The following ANO1 variants were observed in gnomAD, a reference collection of about 807,000 sequenced individuals.
ANO1 encodes the protein anoctamin 1.
In ANO1, 59 loss-of-function variants were observed where a neutral mutation model predicts 124.0. The ratio of observed to expected loss-of-function variants is 0.48; its 90% CI spans 0.39 to 0.59. ANO1 has a LOEUF of 0.59. Among genes scored for constraint, ANO1 ranks in the 20% least tolerant of loss-of-function variants. The pLI, the probability that ANO1 is intolerant of heterozygous loss-of-function variation, is 0.00. For synonymous variants in ANO1, 529 were observed against 532.0 expected (o/e 0.99, Z 0.08); for missense variants, 1,059 against 1,328.0 (o/e 0.80, Z 3.15).
intron 12 of ANO1, among the ~76,000 whole-genome samples, chr11:70,150,489 C>T (rs1893078): frequency 0.5 from 75,579 of 152,012 alleles, 19,593 homozygotes; most frequent in Non-Finnish European, 0.59. Flanking sequence ...CTCATGCACG[C>T]GCTGTAAGGT....
chr11:70,155,741 T>C (rs2047784724), intron 14 of ANO1, among the ~76,000 whole-genome samples, 170 bp from the exon 15 acceptor site: 1 of 152,218 alleles, frequency 6.6e-6, no homozygotes, highest in Admixed American at 6.5e-5. Flanking sequence ...TGCCGTCTCT[T>C]ACTTGTTTAA....
chr11:70,181,119 G>C (rs2048912704), intron 23 of ANO1, among the ~76,000 whole-genome samples: 1 of 152,214 alleles, frequency 6.6e-6, no homozygotes, highest in Non-Finnish European at 1.5e-5. Flanking sequence ...GAAAACCCGA[G>C]GCAGCCATGG....
intron 5 of ANO1, among the ~76,000 whole-genome samples, chr11:70,107,494 G>GGGGGGGGGGGGGGGGA (rs2045598931): frequency 8.3e-6 from 1 of 120,938 alleles, no homozygotes; most frequent in Non-Finnish European, 1.8e-5. Flanking sequence ...TGGAGGCGGC[G>GGGGGGGGGGGGGGGGA]GGGCGGGGAA....
the ANO1 span, among the ~76,000 whole-genome samples, chr11:69,968,032 G>A: frequency 6.6e-6 from 1 of 152,118 alleles, no homozygotes; most frequent in Non-Finnish European, 1.5e-5. Flanking sequence ...GGCCTTCCTG[G>A]CATCAGGGGT....
chr11:70,047,548 C>A (rs539229462), intron 1 of ANO1, among the ~76,000 whole-genome samples: 1 of 152,318 alleles, frequency 6.6e-6, no homozygotes, highest in Non-Finnish European at 1.5e-5. Flanking sequence ...CAAAGAAAGA[C>A]TCTTGATCAA....
At chr11:70,149,057 C>T (rs541558960) in intron 11 of ANO1, among the ~76,000 whole-genome samples, 46 of 152,292 alleles carry the variant, frequency 3.0e-4, no homozygotes, top group African/African-American at 1.1e-3. Flanking sequence ...GGTTTGAAGC[C>T]CGAGTGAGTG....
chr11:70,116,291 G>A (rs1287373872), intron 7 of ANO1, among the ~76,000 whole-genome samples, 167 bp from the exon 8 acceptor site: 1 of 152,182 alleles, frequency 6.6e-6, no homozygotes, highest in East Asian at 1.9e-4. Context: ...ATCATAACGG[G>A]GGCACACCTG....
the ANO1 span, among the ~76,000 whole-genome samples, chr11:69,974,326 AAATAATAAC>A: frequency 6.6e-6 from 1 of 152,194 alleles, no homozygotes; most frequent in Non-Finnish European, 1.5e-5. Flanking sequence ...CTCTGTCTCA[AAATAATAAC>A]AATAATAACA....
intron 1 of ANO1, among the ~76,000 whole-genome samples, chr11:70,020,229 T>A (rs1457528239): frequency 6.6e-6 from 1 of 152,196 alleles, no homozygotes; most frequent in Non-Finnish European, 1.5e-5. Context: ...AGCGAAAGCT[T>A]GGGACCCCTC....
At chr11:70,142,012 C>G (rs557442882) in intron 11 of ANO1, among the ~76,000 whole-genome samples, 79 of 152,326 alleles carry the variant, frequency 5.2e-4, no homozygotes, top group Non-Finnish European at 1.0e-3. Flanking sequence ...TGGGGTCCAG[C>G]TTTCCTGGAG....
At chr11:70,017,899 C>A (rs963288823) in intron 1 of ANO1, among the ~76,000 whole-genome samples, 2 of 152,148 alleles carry the variant, frequency 1.3e-5, no homozygotes, top group Non-Finnish European at 1.5e-5. Flanking sequence ...CAGGTTCTAG[C>A]TACCCCCTGC....
At chr11:70,119,637 C>T (rs1405261705) in intron 8 of ANO1, among the ~76,000 whole-genome samples, 25 of 105,270 alleles carry the variant, frequency 2.4e-4, no homozygotes, top group African/African-American at 7.6e-4. Context: ...TGATGGATGA[C>T]GGGTGGATGG....
intron 1 of ANO1, among the ~76,000 whole-genome samples, chr11:69,997,760 G>A (rs782343599): frequency 4.6e-5 from 7 of 152,124 alleles, no homozygotes; most frequent in Middle Eastern, 3.4e-3. Context: ...AGTTTTCATC[G>A]GGTTGTTTTA....
At chr11:70,016,307 T>G (rs1469974796) in intron 1 of ANO1, 1 of 152,236 alleles carries the variant, frequency 6.6e-6, no homozygotes, top group Non-Finnish European at 1.5e-5. Context: ...ATTACAGGCA[T>G]AAGCCACCGT....
intron 1 of ANO1, among the ~76,000 whole-genome samples, chr11:70,060,239 C>T (rs568581542): frequency 1.3e-5 from 2 of 152,244 alleles, no homozygotes; most frequent in East Asian, 1.9e-4. Flanking sequence ...AGAGAGCACA[C>T]GAGTTAAAGC....
At chr11:70,156,110 C>A in intron 15 of ANO1, 122 bp downstream of exon 15, 1 of 1,074,282 alleles carries the variant, frequency 9.3e-7, no homozygotes, top group Non-Finnish European at 1.3e-6. Context: ...CCGTGTTTCT[C>A]TGTCTTCCTT....
At chr11:70,007,140 G>A (rs1435258289) in intron 1 of ANO1, among the ~76,000 whole-genome samples, 5 of 152,114 alleles carry the variant, frequency 3.3e-5, no homozygotes, top group South Asian at 2.1e-4. Flanking sequence ...GTTTCTGAGA[G>A]TTTGGTTGTT....
upstream of ANO1, chr11:70,075,573 G>A (rs1591078047): frequency 1.3e-5 from 2 of 152,294 alleles, no homozygotes. Flanking sequence ...CAGCTGGGAG[G>A]CCCGGAGCTT....
chr11:70,044,511 C>T (rs143017535), intron 1 of ANO1, among the ~76,000 whole-genome samples: 1 of 151,974 alleles, frequency 6.6e-6, no homozygotes, highest in East Asian at 1.9e-4. Context: ...TTGATTGTAA[C>T]CCACTGAGTA....
Sources: allele counts gnomAD v4.1 joint callset (sites outside exome capture counted in the v4.1 genomes callset), GRCh38; gene constraint gnomAD v4.1.1; transcripts MANE v1.5; gene names NCBI Gene and HGNC (gene_info 2026-07-23, HGNC 2026-07-21).